AGTR1: variants seen among roughly 807,000 people sequenced by gnomAD.
The protein encoded by AGTR1 is angiotensin II receptor type 1.
AGTR1 carries 16 observed loss-of-function variants against 19.4 expected under a neutral mutation model. The observed-to-expected ratio is 0.82, with a 90% confidence interval of 0.56 to 1.25. AGTR1 has a LOEUF of 1.25. Among genes scored for constraint, AGTR1 ranks in the 50% most tolerant of loss-of-function variants. The probability of loss-of-function intolerance (pLI) is 0.00; values close to 1 mark genes in which losing one functional copy is unlikely to be tolerated. For synonymous variants in AGTR1, 153 were observed against 154.9 expected (o/e 0.99, Z 0.09); for missense variants, 373 against 431.9 (o/e 0.86, Z 1.21).
At position 148,741,954 on chromosome 3, in the gene AGTR1, A is replaced by G; in HGVS notation, c.919A>G (p.Lys307Glu). 1 of 1,613,694 alleles carries G rather than the reference A, an allele frequency of 6.2e-7. No individual in the cohort carries two copies. The highest frequency in any genetic ancestry group is 8.5e-7 in the Non-Finnish European group (1 of 1,179,954). ...TCCTCTTTTTTATGGCTTTCTGGGG[A>G]AAAAATTTAAAAGATATTTTCTCCA... ...LNPLFYGFLG[K>E]KFKRYFLQLL... Residue 307 changes from lysine to glutamate, a missense_variant, in exon 3 of 3, where the codon AAA becomes GAA. Physicochemically the swap from Lys to Glu is moderately conservative, Grantham distance 56. Transcript: ENST00000349243.
chr3:148,719,348 A>G (rs1265729720), intron 2 of AGTR1, among the ~76,000 whole-genome samples: 2 of 152,146 alleles, frequency 1.3e-5, no homozygotes, highest in African/African-American at 2.4e-5. Context: ...CCATCCTTTT[A>G]GATGTTCCTC....
At chr3:148,740,119 A>G (rs1714789001) in intron 2 of AGTR1, among the ~76,000 whole-genome samples, 1 of 152,230 alleles carries the variant, frequency 6.6e-6, no homozygotes, top group Admixed American at 6.5e-5. Context: ...TGTGCAGCCC[A>G]TTCTTGAGCA....
At chr3:148,725,188 TGAAG>T (rs1384338400) in intron 2 of AGTR1, among the ~76,000 whole-genome samples, 2 of 152,224 alleles carry the variant, frequency 1.3e-5, no homozygotes, top group East Asian at 3.8e-4. Context: ...TCCTGCATTT[TGAAG>T]GAAGTTTCTG....
intron 1 of AGTR1, among the ~76,000 whole-genome samples, chr3:148,700,960 G>A (rs1009872782): frequency 6.6e-6 from 1 of 152,184 alleles, no homozygotes; most frequent in Non-Finnish European, 1.5e-5. Flanking sequence ...ATAAGCAACA[G>A]TAAATTTGAT....
intron 2 of AGTR1, among the ~76,000 whole-genome samples, chr3:148,711,299 TATATAAGGCAAA>T (rs1351562104): frequency 6.6e-6 from 1 of 152,166 alleles, no homozygotes; most frequent in Non-Finnish European, 1.5e-5. Flanking sequence ...GATCATGTGT[TATATAAGGCAAA>T]AAATTAAAAA....
intron 2 of AGTR1, among the ~76,000 whole-genome samples, chr3:148,738,336 C>T (rs1235919795): frequency 1.3e-5 from 2 of 151,984 alleles, no homozygotes; most frequent in East Asian, 1.9e-4. Flanking sequence ...TTTCAACCTT[C>T]GAGGTTCCTT....
At chr3:148,727,916 G>C (rs1156959235) in intron 2 of AGTR1, among the ~76,000 whole-genome samples, 1 of 152,108 alleles carries the variant, frequency 6.6e-6, no homozygotes, top group African/African-American at 2.4e-5. Context: ...TGACATTTTG[G>C]ATTAGATAAT....
At chr3:148,731,720 G>A (rs1320902648) in intron 2 of AGTR1, among the ~76,000 whole-genome samples, 4 of 152,134 alleles carry the variant, frequency 2.6e-5, no homozygotes, top group Admixed American at 6.6e-5. Context: ...TTGTGTTGCC[G>A]GTTACTGGCA....
chr3:148,720,183 C>A (rs1488917250), intron 2 of AGTR1, among the ~76,000 whole-genome samples: 1 of 152,036 alleles, frequency 6.6e-6, no homozygotes, highest in East Asian at 1.9e-4. Flanking sequence ...TGGGTGAAAA[C>A]AGGTTTTGTG....
intron 2 of AGTR1, chr3:148,730,400 G>A: frequency 2.6e-6 from 1 of 384,756 alleles, no homozygotes; most frequent in Non-Finnish European, 4.6e-6. Flanking sequence ...TGAATTATAG[G>A]AATTTCAGAT....
At chr3:148,731,274 G>C (rs1714238484) in intron 2 of AGTR1, 1 of 152,098 alleles carries the variant, frequency 6.6e-6, no homozygotes, top group African/African-American at 2.4e-5. Flanking sequence ...AATACTCTGA[G>C]GACCAAAGAA....
chr3:148,698,645 TG>T (rs1435791571), intron 1 of AGTR1, among the ~76,000 whole-genome samples: 1 of 152,066 alleles, frequency 6.6e-6, no homozygotes, highest in Non-Finnish European at 1.5e-5. Context: ...ACCATAGCGG[TG>T]GGTCCTAGAC....
chr3:148,727,403 C>T (rs1175160280), intron 2 of AGTR1, among the ~76,000 whole-genome samples: 1 of 152,120 alleles, frequency 6.6e-6, no homozygotes, highest in Non-Finnish European at 1.5e-5. Flanking sequence ...AGATCGATGC[C>T]CTCTGATCCT....
intron 1 of AGTR1, among the ~76,000 whole-genome samples, chr3:148,698,492 G>T (rs1435297268): frequency 1.3e-5 from 2 of 152,148 alleles, no homozygotes; most frequent in African/African-American, 4.8e-5. Context: ...TCATCTGAGC[G>T]GGAAGCCGGT....
At chr3:148,732,168 C>T (rs889703567) in intron 2 of AGTR1, among the ~76,000 whole-genome samples, 3 of 152,248 alleles carry the variant, frequency 2.0e-5, no homozygotes, top group African/African-American at 7.2e-5. Flanking sequence ...TCTTGACTCT[C>T]TAACTTCATG....
chr3:148,719,707 C>G (rs987983032), intron 2 of AGTR1, among the ~76,000 whole-genome samples: 3 of 152,104 alleles, frequency 2.0e-5, no homozygotes, highest in Admixed American at 6.5e-5. Context: ...CTAATGAACA[C>G]CCAAGTCATC....
chr3:148,712,472 A>G (rs1438593213), intron 2 of AGTR1, among the ~76,000 whole-genome samples: 1 of 152,120 alleles, frequency 6.6e-6, no homozygotes, highest in African/African-American at 2.4e-5. Context: ...TAGACACCAG[A>G]AAAAAACAGA....
intron 1 of AGTR1, among the ~76,000 whole-genome samples, chr3:148,700,742 C>A (rs1712289235): frequency 6.6e-6 from 1 of 152,196 alleles, no homozygotes; most frequent in East Asian, 1.9e-4. Flanking sequence ...GACCAAGTGT[C>A]CAAGCCCAGC....
intron 2 of AGTR1, among the ~76,000 whole-genome samples, chr3:148,731,662 G>A (rs140149722): frequency 1.0e-3 from 158 of 152,238 alleles, no homozygotes; most frequent in African/African-American, 3.5e-3. Context: ...TAAATATCTT[G>A]TAATATTTAA....
Sources: gnomAD v4.1 joint callset for allele counts (sites outside exome capture counted in the v4.1 genomes callset) on GRCh38, gnomAD v4.1.1 for gene constraint, MANE v1.5 for transcripts, NCBI Gene and HGNC (gene_info 2026-07-23, HGNC 2026-07-21) for gene names.